The following MORF4L1 variants were observed in gnomAD, a reference collection of about 807,000 sequenced individuals.
The protein encoded by MORF4L1 is mortality factor 4-like protein 1.
A neutral mutation model predicts 52.9 loss-of-function variants in MORF4L1; 4 were observed. The observed-to-expected ratio is 0.08, with a 90% CI of 0.04 to 0.17. MORF4L1 has a LOEUF of 0.17. MORF4L1 is among the 10% of genes least tolerant of loss of function. The pLI is 1.00. For synonymous variants in MORF4L1, 123 were observed against 134.8 expected, an observed-to-expected ratio of 0.91 and a Z score of 0.61; for missense variants, 214 against 390.4, an observed-to-expected ratio of 0.55 and a Z score of 3.81.
In MORF4L1 at chr15:78,874,583, C is replaced by CT. The variant is rs56665378; in HGVS notation, c.40+1545dup. On this transcript the variant is annotated intron_variant, in intron 1 of 11. Coordinates refer to ENST00000426013, the MANE Select transcript of MORF4L1 (RefSeq NM_006791.4). The stretch of plus-strand genomic sequence containing the variant: ...TTTGTTTTTTCTTTTCTTTTTCTTT[C>CT]TTTTTTTTTTTTTTTTTTTGTATTT... Among the ~76,000 whole-genome samples, 687 of 112,170 alleles carry CT rather than the reference C, an allele frequency of 6.1e-3. 19 individuals carry two copies. Among genetic ancestry groups the CT allele is most frequent in the African/African-American group, 0.021 (600 of 29,022 alleles). The allele number at this position is 112,170 out of a possible 152,430, so 73.6% of individuals were successfully genotyped here.
At position 78,878,223 on chromosome 15, in the gene MORF4L1, G is replaced by T; in HGVS notation, c.51G>T (p.Val17=). The change falls in exon 2 of 12, where the codon GTG becomes GTT. Residue 17 remains valine (V), a synonymous_variant. Coordinates refer to ENST00000426013, the MANE Select transcript of MORF4L1 (RefSeq NM_006791.4). ...TTTCTCCCTTTACAGGTGAGCGAGTGCTGTGCTTTCATGGGCCTCTTCTTT... is the reference window on the plus strand; with the variant it reads ...TTTCTCCCTTTACAGGTGAGCGAGTTCTGTGCTTTCATGGGCCTCTTCTTT... ...PKPKFQEGER[V]LCFHGPLLYE... is the part of the protein sequence containing the mutation. The T allele has an allele frequency of 6.2e-7, 1 of 1,612,062 alleles. No individual in the cohort carries two copies. Among genetic ancestry groups the T allele is most frequent in the Non-Finnish European group, 8.5e-7 (1 of 1,179,592 alleles).
chr15:78,886,077 T>G (rs1022141781), intron 3 of MORF4L1, 64 bp from the exon 4 acceptor site: 4 of 1,240,666 alleles, frequency 3.2e-6, no homozygotes, highest in Non-Finnish European at 4.7e-6. Context: ...TGCCTCTTGA[T>G]CTCAGAAAAT....
intron 11 of MORF4L1, among the ~76,000 whole-genome samples, chr15:78,896,308 C>CTTTTTTTTTTT (rs71148578): frequency 3.3e-4 from 27 of 81,444 alleles, no homozygotes; most frequent in Non-Finnish European, 4.5e-4. Context: ...CTTTTCTTTT[C>CTTTTTTTTTTT]TTTTTTTTTT....
rs1199236509 is a variant in MORF4L1 at position 78,887,363 on chromosome 15, T to C, written c.323+14T>C. 2 of 1,600,260 alleles carry C rather than the reference T, an allele frequency of 1.2e-6. No individual in the cohort carries two copies. The highest frequency in any genetic ancestry group is 1.8e-5 in the Admixed American group (1 of 55,284). On this transcript the variant is annotated intron_variant, in intron 5 of 11. Coordinates refer to ENST00000426013, the MANE Select transcript of MORF4L1 (RefSeq NM_006791.4). The stretch of plus-strand genomic sequence containing the variant: ...AAATGTTGAAGTGTAAGAAGCTCTT[T>C]GTTTTGATTTTGCATACTATATGTG...
chr15:78,888,341 C>G (rs1407861419), intron 5 of MORF4L1, among the ~76,000 whole-genome samples: 3 of 151,744 alleles, frequency 2.0e-5, no homozygotes, highest in Non-Finnish European at 4.4e-5. Flanking sequence ...GTGGCACATG[C>G]TTGTAGTCCC....
At chr15:78,891,329 TG>T in intron 6 of MORF4L1, 154 bp from the exon 7 acceptor site, 1 of 675,770 alleles carries the variant, frequency 1.5e-6, no homozygotes, top group South Asian at 1.9e-5. Flanking sequence ...TCATGAAAGT[TG>T]TATTTTTGGT....
At chr15:78,873,237 G>A (rs1427789524) in intron 1 of MORF4L1, 180 bp downstream of exon 1, 15 of 1,509,368 alleles carry the variant, frequency 9.9e-6, no homozygotes, top group Non-Finnish European at 1.3e-5. Flanking sequence ...TTGTGAGAAA[G>A]CGCTTTGTGA....
chr15:78,883,725 G>T (rs2056643562), intron 3 of MORF4L1, among the ~76,000 whole-genome samples: 1 of 152,188 alleles, frequency 6.6e-6, no homozygotes, highest in East Asian at 1.9e-4. Flanking sequence ...GACTTGGCAT[G>T]TAGATAAATA....
Position 78,888,739 on chromosome 15 carries a change from TA to T in MORF4L1, c.323+1392del, listed in dbSNP as rs1308270361. Among the ~76,000 whole-genome samples, 13 of 152,290 alleles carry T rather than the reference TA, an allele frequency of 8.5e-5. 1 individual carries two copies. The highest frequency in any genetic ancestry group is 3.9e-4 in the East Asian group (2 of 5,184). ...CCTCTTAAAAAAAGTAAGGTGTTACTAATGAAGGTATTTAGTATTTAATGCA... is the reference window on the plus strand; with the variant it reads ...CCTCTTAAAAAAAGTAAGGTGTTACTATGAAGGTATTTAGTATTTAATGCA... On this transcript the variant is annotated intron_variant, in intron 5 of 11. Transcript: ENST00000426013.
At chr15:78,875,639 T>G (rs1192441945) in intron 1 of MORF4L1, among the ~76,000 whole-genome samples, 1 of 151,804 alleles carries the variant, frequency 6.6e-6, no homozygotes, top group Non-Finnish European at 1.5e-5. Flanking sequence ...ATACAAAAAT[T>G]AGCAGGGCGT....
intron 1 of MORF4L1, among the ~76,000 whole-genome samples, chr15:78,877,411 C>T (rs943293382): frequency 1.3e-5 from 2 of 152,138 alleles, no homozygotes; most frequent in African/African-American, 4.8e-5. Flanking sequence ...TGAGCCACCT[C>T]GCCCCGCCTG....
intron 1 of MORF4L1, chr15:78,877,675 T>C (rs1449733949): frequency 2.0e-5 from 3 of 152,272 alleles, no homozygotes; most frequent in Non-Finnish European, 2.9e-5. Flanking sequence ...TCTTTGTTCA[T>C]TGAAGCAACT....
intron 9 of MORF4L1, 129 bp downstream of exon 9, chr15:78,893,756 C>T (rs1282360547): frequency 1.5e-6 from 1 of 680,442 alleles, no homozygotes; most frequent in African/African-American, 1.8e-5. Flanking sequence ...AATTTCACTG[C>T]TTTGACACAG....
chr15:78,880,617 A>G (rs200561622), intron 3 of MORF4L1, 38 bp downstream of exon 3: 2 of 1,450,154 alleles, frequency 1.4e-6, no homozygotes, highest in East Asian at 2.3e-5. Flanking sequence ...TGTAATTAAC[A>G]AGATAGCTTG....
At position 78,896,967 on chromosome 15, in the gene MORF4L1, A is replaced by T. The variant is rs374138525; in HGVS notation, c.888-16A>T. On this transcript the variant is annotated splice_polypyrimidine_tract_variant and intron_variant, in intron 11 of 11. Transcript: ENST00000426013. ...ATGACCTTTAAAAATTTTTGTAATGAATATTTTATTTTTAGGTACCTGGCA... is the reference window on the plus strand; with the variant it reads ...ATGACCTTTAAAAATTTTTGTAATGTATATTTTATTTTTAGGTACCTGGCA... 2 of 1,608,314 alleles carry T rather than the reference A, an allele frequency of 1.2e-6. No homozygotes were observed. Among genetic ancestry groups the T allele is most frequent in the Admixed American group, 3.3e-5 (2 of 59,868 alleles).
intron 3 of MORF4L1, among the ~76,000 whole-genome samples, chr15:78,882,922 AAAG>A (rs1485494157): frequency 6.6e-6 from 1 of 152,270 alleles, no homozygotes; most frequent in East Asian, 1.9e-4. Flanking sequence ...AAATTTTAAA[AAAG>A]TGTTTGAGGC....
chr15:78,878,768 T>A (rs2056542998), intron 2 of MORF4L1, among the ~76,000 whole-genome samples: 1 of 152,236 alleles, frequency 6.6e-6, no homozygotes, highest in African/African-American at 2.4e-5. Flanking sequence ...TACATTTAGC[T>A]GAAGGTAAGC....
intron 1 of MORF4L1, among the ~76,000 whole-genome samples, chr15:78,874,226 C>T (rs114563989): frequency 1.3e-5 from 2 of 152,312 alleles, no homozygotes; most frequent in Admixed American, 6.5e-5. Context: ...ACCGTAAATA[C>T]GATGTCTACA....
rs1183326883 is a variant in MORF4L1 at position 78,896,975 on chromosome 15, A to G, written c.888-8A>G. The G allele has an allele frequency of 1.2e-6, 2 of 1,611,880 alleles. No individual in the cohort carries two copies. The highest frequency in any genetic ancestry group is 1.7e-6 in the Non-Finnish European group (2 of 1,178,602). On this transcript the variant is annotated splice_polypyrimidine_tract_variant and splice_region_variant and intron_variant, in intron 11 of 11. Transcript: ENST00000426013. Reference sequence around the variant, plus strand: ...TAAAAATTTTTGTAATGAATATTTTATTTTTAGGTACCTGGCAAAGAATTC... The same window carrying G: ...TAAAAATTTTTGTAATGAATATTTTGTTTTTAGGTACCTGGCAAAGAATTC...
Sources: allele counts gnomAD v4.1 joint callset (sites outside exome capture counted in the v4.1 genomes callset), GRCh38; gene constraint gnomAD v4.1.1; transcripts MANE v1.5; gene names NCBI Gene and HGNC (gene_info 2026-07-23, HGNC 2026-07-21).